IL1RAPL1: variants seen among roughly 807,000 people sequenced by gnomAD.
IL1RAPL1 encodes the protein interleukin 1 receptor accessory protein like 1.
Under a neutral mutation model 48.4 loss-of-function variants are expected in IL1RAPL1, and 3 were observed. The ratio of observed to expected loss-of-function variants is 0.06; its 90% CI spans 0.03 to 0.16. IL1RAPL1 has a LOEUF of 0.16. Ranked by LOEUF, IL1RAPL1 falls within the 10% of genes least tolerant of loss-of-function variation. The pLI is 1.00. For synonymous variants in IL1RAPL1, 185 were observed against 187.7 expected, an observed-to-expected ratio of 0.99 and a Z score of 0.12; for missense variants, 349 against 530.6, an observed-to-expected ratio of 0.66 and a Z score of 3.36.
Position 29,290,884 on chromosome X carries a change from G to A in IL1RAPL1, c.362+7667G>A, listed in dbSNP as rs777792766. On this transcript the variant is annotated intron_variant, in intron 3 of 10. Coordinates refer to ENST00000378993, the MANE Select transcript of IL1RAPL1 (RefSeq NM_014271.4). ...CATGCTTACTGATGTCTCATGAGCC[G>A]AGTTTTGAGATAATAAAGGAGAAGA... Among the ~76,000 whole-genome samples the A allele has an allele frequency of 8.9e-5, 10 of 112,007 alleles. No individual in the cohort carries two copies. In the East Asian group the frequency reaches 2.2e-3, roughly 25 times the overall value.
At chrX:28,766,159 G>A (rs1341550054) in intron 1 of IL1RAPL1, among the ~76,000 whole-genome samples, 2 of 111,328 alleles carry the variant, frequency 1.8e-5, no homozygotes, top group East Asian at 5.6e-4. Flanking sequence ...AGTAACCATA[G>A]AAAGCTCTGG....
intron 5 of IL1RAPL1, among the ~76,000 whole-genome samples, chrX:29,472,918 C>T (rs141750213): frequency 2.5e-3 from 280 of 112,216 alleles, no homozygotes; most frequent in Non-Finnish European, 4.5e-3. Context: ...CAGCCAGACA[C>T]ACAGCTTCCC....
intron 2 of IL1RAPL1, among the ~76,000 whole-genome samples, chrX:28,920,812 G>A (rs1923597299): frequency 8.9e-6 from 1 of 111,888 alleles, no homozygotes; most frequent in Non-Finnish European, 1.9e-5. Flanking sequence ...AGGAGTGGCT[G>A]AGGAAAAACG....
At chrX:29,029,371 A>AGAAGTT (rs767011956) in intron 2 of IL1RAPL1, among the ~76,000 whole-genome samples, 15 of 111,409 alleles carry the variant, frequency 1.3e-4, no homozygotes, top group African/African-American at 4.9e-4. Flanking sequence ...TCCTCCAAGT[A>AGAAGTT]GAAGGTATCT....
intron 1 of IL1RAPL1, among the ~76,000 whole-genome samples, chrX:28,784,634 A>G (rs1936456658): frequency 9.0e-6 from 1 of 111,619 alleles, no homozygotes; most frequent in Non-Finnish European, 1.9e-5. Context: ...GCTTATAAAG[A>G]TGAAGTAACT....
chrX:29,685,408 C>G (rs1462050449), intron 6 of IL1RAPL1, among the ~76,000 whole-genome samples: 1 of 110,400 alleles, frequency 9.1e-6, no homozygotes, highest in African/African-American at 3.3e-5. Context: ...GAGGCTGAGA[C>G]AGGACAATCA....
At chrX:29,507,289 TTCTCTCTCCTTCCTTCCTTCCTTCCTCTC>T (rs1935342023) in intron 5 of IL1RAPL1, among the ~76,000 whole-genome samples, 1 of 89,096 alleles carries the variant, frequency 1.1e-5, no homozygotes, top group Admixed American at 1.2e-4. Flanking sequence ...CTTCCTTTCT[TTCTCTCTCCTTCCTTCCTTCCTTCCTCTC>T]TCTCTCTCCT....
At chrX:29,126,810 A>G (rs1928908450) in intron 2 of IL1RAPL1, among the ~76,000 whole-genome samples, 1 of 111,989 alleles carries the variant, frequency 8.9e-6, no homozygotes, top group Non-Finnish European at 1.9e-5. Context: ...TTTTTATAGT[A>G]CCTCAGATAT....
intron 3 of IL1RAPL1, among the ~76,000 whole-genome samples, chrX:29,326,816 A>G (rs926445880): frequency 3.6e-5 from 4 of 112,051 alleles, no homozygotes; most frequent in African/African-American, 1.3e-4. Context: ...TCCCATTGTC[A>G]TATTGGGGCT....
At chrX:29,822,744 A>G (rs966498056) in intron 6 of IL1RAPL1, among the ~76,000 whole-genome samples, 12 of 111,448 alleles carry the variant, frequency 1.1e-4, no homozygotes, top group African/African-American at 3.9e-4. Flanking sequence ...ACATTGCTTT[A>G]AAAGCTGTTG....
chrX:29,757,566 A>G (rs973810889), intron 6 of IL1RAPL1, among the ~76,000 whole-genome samples: 1 of 112,420 alleles, frequency 8.9e-6, no homozygotes, highest in Non-Finnish European at 1.9e-5. Context: ...TGACTACGGT[A>G]TGTGACTCAA....
rs1430626991 is a variant in IL1RAPL1, at chrX:28,977,253, G to T, written c.82+187828G>T. On this transcript the variant is annotated intron_variant, in intron 2 of 10. Transcript: ENST00000378993. ...ATTTACAAAGAAAAAAGGTTTAATT[G>T]GTTCACAGTTCTGCAGGCTGTACAG... Among the ~76,000 whole-genome samples the T allele has an allele frequency of 3.6e-5, 4 of 112,159 alleles. No homozygotes were observed. In the East Asian group the frequency reaches 8.4e-4, roughly 24 times the overall value.
intron 2 of IL1RAPL1, among the ~76,000 whole-genome samples, chrX:29,080,219 T>G (rs1000931095): frequency 9.2e-6 from 1 of 109,193 alleles, no homozygotes; most frequent in African/African-American, 3.3e-5. Flanking sequence ...AGACCCCATC[T>G]CTACAAAAAA....
intron 1 of IL1RAPL1, among the ~76,000 whole-genome samples, chrX:28,602,194 T>C (rs975413920): frequency 4.5e-5 from 5 of 111,208 alleles, no homozygotes; most frequent in African/African-American, 1.6e-4. Context: ...CACAATACTC[T>C]ACTTGTGTGT....
At chrX:29,857,532 A>G (rs1269904020) in intron 6 of IL1RAPL1, among the ~76,000 whole-genome samples, 1 of 111,982 alleles carries the variant, frequency 8.9e-6, no homozygotes. Flanking sequence ...AAAATCTGAC[A>G]TTTAGATATG....
chrX:29,455,475 G>A (rs1476758176), intron 5 of IL1RAPL1, among the ~76,000 whole-genome samples: 1 of 111,702 alleles, frequency 9.0e-6, no homozygotes, highest in African/African-American at 3.3e-5. Flanking sequence ...GAAGTAGAGT[G>A]TTAATTGTTA....
chrX:29,129,426 T>G (rs1474784794), intron 2 of IL1RAPL1, among the ~76,000 whole-genome samples: 1 of 110,839 alleles, frequency 9.0e-6, no homozygotes, highest in African/African-American at 3.3e-5. Context: ...ATGCTTAAAC[T>G]CACAATTTTT....
At chrX:29,166,731 TCTC>T (rs770479911) in intron 2 of IL1RAPL1, among the ~76,000 whole-genome samples, 356 of 111,622 alleles carry the variant, frequency 3.2e-3, no homozygotes, top group African/African-American at 0.01. Flanking sequence ...TTTTTCTCTT[TCTC>T]CTCCTATCTT....
intron 5 of IL1RAPL1, among the ~76,000 whole-genome samples, chrX:29,586,848 A>G (rs200923597): frequency 9.0e-6 from 1 of 111,519 alleles, no homozygotes; most frequent in African/African-American, 3.3e-5. Context: ...TTGTTAGTAT[A>G]TAGAAACACA....
Sources: gnomAD v4.1 joint callset for allele counts (sites outside exome capture counted in the v4.1 genomes callset) on GRCh38, gnomAD v4.1.1 for gene constraint, MANE v1.5 for transcripts, NCBI Gene and HGNC (gene_info 2026-07-23, HGNC 2026-07-21) for gene names.